Variants in RNF38 observed in about 807,000 individuals in gnomAD.
The protein encoded by RNF38 is E3 ubiquitin-protein ligase RNF38.
RNF38 carries 15 observed loss-of-function variants against 67.2 expected under a neutral mutation model. The observed-to-expected ratio is 0.22, with a 90% confidence interval of 0.15 to 0.34. The LOEUF is 0.34. Among genes scored for constraint, RNF38 ranks in the 10% least tolerant of loss-of-function variants. The pLI is 1.00. For synonymous variants in RNF38, 220 were observed against 218.8 expected, an observed-to-expected ratio of 1.01 and a Z score of -0.05; for missense variants, 524 against 639.9, an observed-to-expected ratio of 0.82 and a Z score of 1.95.
upstream of RNF38, chr9:36,401,098 C>A (rs958184825): frequency 6.2e-5 from 61 of 985,170 alleles, no homozygotes; most frequent in Non-Finnish European, 7.1e-5. Flanking sequence ...CAGCACAAAC[C>A]TAGCGAGCCC....
chr9:36,348,515 C>T (rs1486273098), intron 9 of RNF38, among the ~76,000 whole-genome samples: 1 of 152,066 alleles, frequency 6.6e-6, no homozygotes, highest in East Asian at 1.9e-4. Flanking sequence ...AGAAAAGTCA[C>T]TCCAGTGAAC....
chr9:36,368,974 T>A (rs1835172940), intron 4 of RNF38, among the ~76,000 whole-genome samples: 1 of 151,984 alleles, frequency 6.6e-6, no homozygotes, highest in Non-Finnish European at 1.5e-5. Context: ...AGGCAACCTC[T>A]CTCCTCAGCT....
chr9:36,400,395 G>A (rs1837923235), upstream of RNF38: 2 of 1,155,554 alleles, frequency 1.7e-6, no homozygotes, highest in African/African-American at 1.6e-5. Context: ...CGGCGGCTCC[G>A]CGAGCTGAGA....
intron 1 of RNF38, among the ~76,000 whole-genome samples, chr9:36,476,049 G>A (rs1840114136): frequency 6.6e-6 from 1 of 150,732 alleles, no homozygotes; most frequent in Admixed American, 6.6e-5. Context: ...AATTATAAAT[G>A]AGGCAAATAA....
upstream of RNF38, among the ~76,000 whole-genome samples, chr9:36,402,636 T>C (rs551953213): frequency 7.2e-5 from 11 of 152,266 alleles, no homozygotes; most frequent in South Asian, 2.1e-3. Flanking sequence ...ATTTGGGAGC[T>C]ATCTAACTGT....
intron 2 of RNF38, among the ~76,000 whole-genome samples, chr9:36,385,171 T>A (rs1836511800): frequency 6.6e-6 from 1 of 152,098 alleles, no homozygotes; most frequent in African/African-American, 2.4e-5. Flanking sequence ...TTTTGAAGTA[T>A]CATCTTCTCT....
chr9:36,419,552 T>C (rs1838564277), intron 2 of RNF38, among the ~76,000 whole-genome samples: 1 of 152,224 alleles, frequency 6.6e-6, no homozygotes, highest in African/African-American at 2.4e-5. Context: ...TATCAAATTC[T>C]TCAATATTTT....
At chr9:36,487,498 CGCGGCGGCGGCGGCTGCTGAG>C (rs1371659877) in exon 1 of RNF38, 3 of 977,040 alleles carry the variant, frequency 3.1e-6, no homozygotes, top group African/African-American at 1.8e-5. Flanking sequence ...GCTGAAAGTG[CGCGGCGGCGGCGGCTGCTGAG>C]GCGGCGGCGG....
intron 6 of RNF38, 105 bp downstream of exon 6, chr9:36,356,198 C>A: frequency 9.1e-7 from 1 of 1,098,934 alleles, no homozygotes; most frequent in Non-Finnish European, 1.3e-6. Flanking sequence ...AGGCATTCGT[C>A]TGGTTCTTAA....
intron 6 of RNF38, among the ~76,000 whole-genome samples, chr9:36,354,848 G>A (rs892944627): frequency 6.6e-6 from 1 of 152,178 alleles, no homozygotes; most frequent in Non-Finnish European, 1.5e-5. Flanking sequence ...TCAAATATAA[G>A]TAAATACTAA....
At chr9:36,379,423 A>G (rs1209397195) in intron 2 of RNF38, among the ~76,000 whole-genome samples, 2 of 152,228 alleles carry the variant, frequency 1.3e-5, no homozygotes, top group African/African-American at 4.8e-5. Flanking sequence ...CCTATAGCAG[A>G]AACAGATGCT....
At chr9:36,471,975 T>G (rs1192275854) in intron 1 of RNF38, among the ~76,000 whole-genome samples, 2 of 152,252 alleles carry the variant, frequency 1.3e-5, no homozygotes, top group African/African-American at 4.8e-5. Flanking sequence ...ATGTTTCTTT[T>G]TTTTAGCAAA....
At chr9:36,426,507 C>G (rs544818396) in intron 1 of RNF38, among the ~76,000 whole-genome samples, 1 of 152,352 alleles carries the variant, frequency 6.6e-6, no homozygotes, top group East Asian at 1.9e-4. Context: ...CCATTCCTTT[C>G]TATGGCTAAA....
intron 2 of RNF38, among the ~76,000 whole-genome samples, chr9:36,422,668 ACAAT>A (rs933826809): frequency 6.6e-6 from 1 of 152,222 alleles, no homozygotes; most frequent in African/African-American, 2.4e-5. Context: ...CATTTAGGAA[ACAAT>A]CAATATATAC....
rs762115470 is a variant in RNF38 at position 36,353,338 on chromosome 9, A to AG, written c.910-8dup. 12 of 1,567,764 alleles carry AG rather than the reference A, an allele frequency of 7.7e-6. No homozygotes were observed. The highest frequency in any genetic ancestry group is 2.8e-5 in the African/African-American group (2 of 72,294). On this transcript the variant is annotated splice_polypyrimidine_tract_variant and splice_region_variant and intron_variant, in intron 6 of 11. Transcript: ENST00000259605. ...TTTCTATCCTTTGCAGAGGCTGAGG[A>AG]GGGGGAAAAAAAAACACATATATGT...
At chr9:36,441,721 A>G (rs1290784407) in intron 1 of RNF38, among the ~76,000 whole-genome samples, 1 of 52,254 alleles carries the variant, frequency 1.9e-5, no homozygotes, top group Admixed American at 2.0e-4. Flanking sequence ...ATACTCCTCA[A>G]TTAAAAACAA....
At chr9:36,422,370 C>CTGTA in intron 2 of RNF38, among the ~76,000 whole-genome samples, 1 of 151,446 alleles carries the variant, frequency 6.6e-6, no homozygotes, top group East Asian at 1.9e-4. Context: ...TGAGCCAAGA[C>CTGTA]TGTACCACTG....
At chr9:36,394,371 G>C (rs894819460) in intron 1 of RNF38, among the ~76,000 whole-genome samples, 2 of 152,128 alleles carry the variant, frequency 1.3e-5, no homozygotes, top group African/African-American at 4.8e-5. Context: ...CATGGAAATT[G>C]TAAGGAAATA....
chr9:36,476,275 T>C (rs1840118705), intron 1 of RNF38, among the ~76,000 whole-genome samples: 1 of 152,018 alleles, frequency 6.6e-6, no homozygotes, highest in Admixed American at 6.6e-5. Context: ...CCCGCCATCA[T>C]GCCTGGCTAA....
Sources: allele counts gnomAD v4.1 joint callset (sites outside exome capture counted in the v4.1 genomes callset), GRCh38; gene constraint gnomAD v4.1.1; transcripts MANE v1.5; gene names NCBI Gene and HGNC (gene_info 2026-07-23, HGNC 2026-07-21).